The following NAAA variants were observed in gnomAD, a reference collection of about 807,000 sequenced individuals.
The protein encoded by NAAA is N-acylethanolamine acid amidase, also known as N-acylethanolamine-hydrolyzing acid amidase.
Under a neutral mutation model 44.8 loss-of-function variants are expected in NAAA, and 39 were observed. That is an observed-to-expected ratio of 0.87 (90% CI 0.67 to 1.14). The LOEUF is 1.14. NAAA is among the 50% of genes most tolerant of loss of function. NAAA has a pLI of 0.00. For synonymous variants in NAAA, 178 were observed against 191.3 expected (o/e 0.93, Z 0.58); for missense variants, 460 against 467.8 (o/e 0.98, Z 0.15).
chr4:75,912,569 A>G (rs978840753), downstream of NAAA, among the ~76,000 whole-genome samples: 11 of 151,382 alleles, frequency 7.3e-5, no homozygotes, highest in Non-Finnish European at 1.3e-4. Context: ...AAAAAAAAAA[A>G]AAGAAATTTA....
At chr4:75,932,044 A>G (rs1013075842) in intron 3 of NAAA, among the ~76,000 whole-genome samples, 1 of 152,314 alleles carries the variant, frequency 6.6e-6, no homozygotes, top group Non-Finnish European at 1.5e-5. Context: ...AGCCTGACCA[A>G]CGTGGAGAAA....
At chr4:75,934,394 C>T (rs1395593398) in intron 3 of NAAA, among the ~76,000 whole-genome samples, 1 of 151,876 alleles carries the variant, frequency 6.6e-6, no homozygotes, top group African/African-American at 2.4e-5. Context: ...CAGCTCACTG[C>T]AACCTCCGCC....
intron 5 of NAAA, among the ~76,000 whole-genome samples, chr4:75,923,506 T>C (rs1328093211): frequency 6.6e-6 from 1 of 151,806 alleles, no homozygotes; most frequent in African/African-American, 2.4e-5. Context: ...GGGAGCCAGG[T>C]ATGTTCAAAA....
chr4:75,931,295 T>G lies in NAAA; in HGVS notation c.508A>C (p.Thr170Pro). The change falls in exon 4 of 11, where the codon ACA becomes CCA. Residue 170 changes from threonine (T) to proline (P), a missense_variant. Coordinates refer to ENST00000286733, the MANE Select transcript of NAAA (RefSeq NM_014435.4). ...QFLKNGQIAFTGTTFIGYVGL... is the reference protein window; with the variant it reads ...QFLKNGQIAFPGTTFIGYVGL... The stretch of plus-strand genomic sequence containing the variant: ...ACATAGCCAATAAAAGTAGTTCCTG[T>G]GAATGCAATCTGAAATCAAGAGATA... 1 of 1,609,578 alleles carries G rather than the reference T, an allele frequency of 6.2e-7. No homozygotes were observed. The highest frequency in any genetic ancestry group is 8.5e-7 in the Non-Finnish European group (1 of 1,176,278).
chr4:75,921,684 A>G (rs964474576), intron 5 of NAAA, among the ~76,000 whole-genome samples: 2 of 152,198 alleles, frequency 1.3e-5, no homozygotes, highest in African/African-American at 4.8e-5. Flanking sequence ...ACTGCTGGGA[A>G]GCATCGCATG....
At position 75,920,974 on chromosome 4, in the gene NAAA, C is replaced by T; in HGVS notation, c.816G>A (p.Trp272Ter). 1.2e-6 allele frequency: 2 copies of T among 1,613,392 alleles called. No individual in the cohort carries two copies. Among genetic ancestry groups the T allele is most frequent in the Non-Finnish European group, 1.7e-6 (2 of 1,179,850 alleles). ...ACGCTCCATTCAAAGGATCTAGAGGCCAAATGTCTGCTGGGCCATCTCTGT... is the reference window on the plus strand; with the variant it reads ...ACGCTCCATTCAAAGGATCTAGAGGTCAAATGTCTGCTGGGCCATCTCTGT... ...TRNRDGPADI[W>*]PLDPLNGAWF... The change falls in exon 6 of 11, where the codon TGG becomes TGA. Residue 272 changes from tryptophan (W) to a stop codon, truncating the protein, a stop_gained. Coordinates refer to ENST00000286733, the MANE Select transcript of NAAA (RefSeq NM_014435.4). LOFTEE classifies it high-confidence loss of function.
chr4:75,924,652 G>T (rs1726488440), intron 5 of NAAA, among the ~76,000 whole-genome samples: 1 of 152,180 alleles, frequency 6.6e-6, no homozygotes, highest in Admixed American at 6.5e-5. Flanking sequence ...TTTAAAAGGG[G>T]AGTACATCTG....
At chr4:75,915,252 G>A (rs547110059) in intron 9 of NAAA, among the ~76,000 whole-genome samples, 5 of 152,198 alleles carry the variant, frequency 3.3e-5, no homozygotes, top group African/African-American at 1.2e-4. Flanking sequence ...GGGAGGCTGA[G>A]GCAGGAGAAT....
At chr4:75,939,980 G>C in intron 2 of NAAA, 21 bp downstream of exon 2, 3 of 1,610,984 alleles carry the variant, frequency 1.9e-6, no homozygotes, top group Non-Finnish European at 2.5e-6. Context: ...GCGTTACTCC[G>C]CGCGGGCTTG....
downstream of NAAA, among the ~76,000 whole-genome samples, chr4:75,912,557 A>AAAC (rs1304993578): frequency 8.2e-4 from 122 of 148,886 alleles, 1 homozygote; most frequent in African/African-American, 2.9e-3. Context: ...CTGTCTGGAA[A>AAAC]AAAAAAAAAA....
chr4:75,940,715 C>A, intron 1 of NAAA, 29 bp downstream of exon 1: 2 of 1,583,014 alleles, frequency 1.3e-6, no homozygotes, highest in East Asian at 2.3e-5. Flanking sequence ...CCGGTGTCCC[C>A]GCAGACCCCG....
intron 9 of NAAA, 58 bp downstream of exon 9, chr4:75,918,703 G>C (rs1725859200): frequency 6.4e-7 from 1 of 1,570,442 alleles, no homozygotes. Context: ...AACAGTACGT[G>C]AGTGAGTTCA....
At chr4:75,913,547 T>G (rs992238290), downstream of NAAA, 2 of 460,180 alleles carry the variant, frequency 4.3e-6, no homozygotes, top group Non-Finnish European at 5.7e-6. Flanking sequence ...GTTCATTCCC[T>G]TGAATGCTGA....
rs577399544 is a variant in NAAA, at chr4:75,925,806, C to T, written c.595G>A (p.Gly199Ser). ...GCGATAGCATTCTCCCACCACCAGC[C>T]TTTATCTGCCAAGTTGAGTATATAT... ...FTVSGDERDK[G>S]WWWENAIAAL... The change falls in exon 5 of 11, where the codon GGC (glycine) becomes AGC (serine). Residue 199 changes from glycine (G) to serine (S), a missense_variant. By Grantham distance (56) the Gly-to-Ser change is moderately conservative. Coordinates refer to ENST00000286733, the MANE Select transcript of NAAA (RefSeq NM_014435.4). 1.9e-6 allele frequency: 3 copies of T among 1,614,088 alleles called. No homozygotes were observed. The Admixed American group carries it at 5.0e-5, about 27-fold the overall frequency.
In NAAA at chr4:75,936,102, A is replaced by G. The variant is rs1341377949; in HGVS notation, c.498+7T>C. 1 of 1,613,996 alleles carries G rather than the reference A, an allele frequency of 6.2e-7. No individual in the cohort carries two copies. The highest frequency in any genetic ancestry group is 2.2e-5 in the East Asian group (1 of 44,866). ...TGATTTTTTATCTTATATGGTACGG[A>G]TTATACCTGCCCATTCTTTAAGAAT... On this transcript the variant is annotated splice_region_variant and intron_variant, in intron 3 of 10. Coordinates refer to ENST00000286733, the MANE Select transcript of NAAA (RefSeq NM_014435.4).
At chr4:75,922,181 C>A (rs898466202) in intron 5 of NAAA, among the ~76,000 whole-genome samples, 1 of 152,046 alleles carries the variant, frequency 6.6e-6, no homozygotes, top group African/African-American at 2.4e-5. Flanking sequence ...GCACCATAAA[C>A]CTTAACAGCA....
chr4:75,920,024 A>G, intron 7 of NAAA, 49 bp from the exon 8 acceptor site: 1 of 1,513,494 alleles, frequency 6.6e-7, no homozygotes, highest in South Asian at 1.1e-5. Context: ...CAAGCACTGA[A>G]GCCCATCAGC....
chr4:75,931,357 A>C (rs1727215668), intron 3 of NAAA, 53 bp from the exon 4 acceptor site: 1 of 1,359,312 alleles, frequency 7.4e-7, no homozygotes, highest in Admixed American at 1.7e-5. Flanking sequence ...AAATACACTG[A>C]AATCACCTGT....
At chr4:75,920,123 G>T (rs1726012620) in intron 7 of NAAA, 148 bp from the exon 8 acceptor site, 1 of 763,324 alleles carries the variant, frequency 1.3e-6, no homozygotes, top group Admixed American at 2.5e-5. Context: ...GTTTCCTGCT[G>T]AGGCCCAGCC....
Sources: allele counts gnomAD v4.1 joint callset (sites outside exome capture counted in the v4.1 genomes callset), GRCh38; gene constraint gnomAD v4.1.1; transcripts MANE v1.5; gene names NCBI Gene and HGNC (gene_info 2026-07-23, HGNC 2026-07-21).